PCTP: variants seen among roughly 807,000 people sequenced by gnomAD.
PCTP encodes START domain-containing protein 2.
A neutral mutation model predicts 31.0 loss-of-function variants in PCTP; 27 were observed. The observed-to-expected ratio is 0.87, with a 90% CI of 0.64 to 1.20. PCTP has a LOEUF of 1.20. PCTP is among the 50% of genes most tolerant of loss of function. The pLI is 0.00. For missense variants in PCTP, 287 were observed against 268.2 expected (o/e 1.07, Z -0.49); for synonymous variants, 108 against 101.2 (o/e 1.07, Z -0.40).
chr17:55,756,140 C>G (rs1303663617), intron 1 of PCTP, among the ~76,000 whole-genome samples: 1 of 152,174 alleles, frequency 6.6e-6, no homozygotes, highest in African/African-American at 2.4e-5. Context: ...CATCAACTGC[C>G]TCCCATGTGC....
chr17:55,805,917 T>TGTGTGTGTGTG (rs1159147410), intron 3 of PCTP, among the ~76,000 whole-genome samples: 5 of 151,612 alleles, frequency 3.3e-5, no homozygotes, highest in East Asian at 1.9e-4. Flanking sequence ...TGTGTGTGTG[T>TGTGTGTGTGTG]TTGACTTTAG....
At chr17:55,796,846 G>C (rs563567565) in intron 3 of PCTP, among the ~76,000 whole-genome samples, 1 of 152,060 alleles carries the variant, frequency 6.6e-6, no homozygotes, top group South Asian at 2.1e-4. Context: ...GATTATTTCT[G>C]TATGATTTTT....
At chr17:55,790,857 A>C (rs1911938774) in intron 3 of PCTP, among the ~76,000 whole-genome samples, 1 of 150,346 alleles carries the variant, frequency 6.7e-6, no homozygotes, top group Non-Finnish European at 1.5e-5. Context: ...GTCAATCCTA[A>C]GCCAAAAGAA....
chr17:55,754,558 A>G (rs569550826), intron 1 of PCTP, among the ~76,000 whole-genome samples: 15 of 152,308 alleles, frequency 9.8e-5, no homozygotes, highest in African/African-American at 3.4e-4. Flanking sequence ...TTGGCTAGGC[A>G]TGATTGAAGC....
At chr17:55,794,104 C>T (rs549382889) in intron 3 of PCTP, among the ~76,000 whole-genome samples, 2 of 152,104 alleles carry the variant, frequency 1.3e-5, no homozygotes, top group African/African-American at 2.4e-5. Flanking sequence ...TTTCAATTGC[C>T]AGAACAAAAC....
At chr17:55,794,643 A>AGAGGG (rs1474297971) in intron 3 of PCTP, among the ~76,000 whole-genome samples, 1 of 152,100 alleles carries the variant, frequency 6.6e-6, no homozygotes, top group African/African-American at 2.4e-5. Context: ...ACTTGAAATT[A>AGAGGG]GAGGGCAAAA....
downstream of PCTP, among the ~76,000 whole-genome samples, chr17:55,827,196 G>A (rs80281007): frequency 0.039 from 5,879 of 152,160 alleles, 365 homozygotes; most frequent in African/African-American, 0.13. Flanking sequence ...AGTAGTAGCC[G>A]TGTGCCACTT....
chr17:55,771,192 T>G lies in PCTP; in HGVS notation c.339+7T>G. 1 of 1,596,196 alleles carries G rather than the reference T, an allele frequency of 6.3e-7. No individual in the cohort carries two copies. The highest frequency in any genetic ancestry group is 8.6e-7 in the Non-Finnish European group (1 of 1,163,718). Reference sequence around the variant, plus strand: ...TCCCATGTCCAACAGAGACGTATCCTTTCCACAAGGTACTCATTCCCTGGC... The same window carrying G: ...TCCCATGTCCAACAGAGACGTATCCGTTCCACAAGGTACTCATTCCCTGGC... On this transcript the variant is annotated splice_region_variant and intron_variant, in intron 3 of 5. Transcript: ENST00000268896.
chr17:55,790,478 A>G (rs540798214), intron 3 of PCTP, among the ~76,000 whole-genome samples: 3,973 of 146,986 alleles, frequency 0.027, 174 homozygotes, highest in African/African-American at 0.094. Context: ...AAATCAATGT[A>G]CAAAAATCAC....
intron 5 of PCTP, among the ~76,000 whole-genome samples, chr17:55,839,167 T>G (rs1225549960): frequency 6.6e-6 from 1 of 152,190 alleles, no homozygotes; most frequent in Non-Finnish European, 1.5e-5. Context: ...CTTAACAGAT[T>G]TTTTTTCATT....
At chr17:55,822,716 G>T in intron 3 of PCTP, 2 of 1,139,334 alleles carry the variant, frequency 1.8e-6, no homozygotes, top group Non-Finnish European at 2.2e-6. Flanking sequence ...AATTTTTGTG[G>T]CTGTACTTAC....
chr17:55,784,064 C>T (rs2144991676), intron 2 of PCTP, among the ~76,000 whole-genome samples: 1 of 152,262 alleles, frequency 6.6e-6, no homozygotes, highest in East Asian at 1.9e-4. Context: ...GCATGCGTTT[C>T]CTCTTGCACA....
Position 55,792,316 on chromosome 17 carries a change from TAAAAAAAAGAA to T in PCTP, c.317+4678_317+4688del, listed in dbSNP as rs1266244439. 5.6e-4 allele frequency among the ~76,000 whole-genome samples: 72 copies of T among 129,386 alleles called. No homozygotes were observed. In the East Asian group the frequency reaches 8.8e-3, roughly 16 times the overall value. 84.9% of individuals were successfully genotyped at this position (129,386 alleles called of 152,430 possible). On this transcript the variant is annotated intron_variant, in intron 3 of 3. Coordinates refer to the PCTP transcript ENST00000572536. ...AAACTTAAAGTATAATAATAATAAA[TAAAAAAAAGAA>T]AAAAAAAAGAAAAAACCACACATAC... is the stretch of plus-strand genomic sequence containing the variant.
chr17:55,809,701 T>C (rs1912687540), intron 3 of PCTP, among the ~76,000 whole-genome samples: 1 of 151,852 alleles, frequency 6.6e-6, no homozygotes, highest in South Asian at 2.1e-4. Context: ...TTTTGTATTT[T>C]TAGTAGAGAT....
At chr17:55,760,812 G>C (rs1166093894) in intron 1 of PCTP, among the ~76,000 whole-genome samples, 1 of 152,130 alleles carries the variant, frequency 6.6e-6, no homozygotes, top group East Asian at 1.9e-4. Context: ...GTTCTGGGTG[G>C]CCTGGAGCAG....
intron 4 of PCTP, 67 bp downstream of exon 4, chr17:55,773,962 G>A (rs1405928844): frequency 1.3e-6 from 2 of 1,486,376 alleles, no homozygotes; most frequent in East Asian, 4.9e-5. Context: ...AGGCTGATGG[G>A]GGGACATGTC....
At chr17:55,821,201 A>G (rs534832931) in intron 3 of PCTP, among the ~76,000 whole-genome samples, 1 of 152,360 alleles carries the variant, frequency 6.6e-6, no homozygotes, top group East Asian at 1.9e-4. Context: ...ATGAAATATT[A>G]TTTGGCAATG....
At chr17:55,819,065 G>GAA (rs141666430) in intron 3 of PCTP, among the ~76,000 whole-genome samples, 3,645 of 145,484 alleles carry the variant, frequency 0.025, 165 homozygotes, top group African/African-American at 0.088. Flanking sequence ...GGAAAAACGG[G>GAA]AAAAAGAAAA....
At chr17:55,769,769 T>C (rs1160104327) in intron 2 of PCTP, 1 of 152,264 alleles carries the variant, frequency 6.6e-6, no homozygotes, top group Non-Finnish European at 1.5e-5. Context: ...ACCATGGCCG[T>C]GTCTTGCTCA....
Sources: gnomAD v4.1 joint callset for allele counts (sites outside exome capture counted in the v4.1 genomes callset) on GRCh38, gnomAD v4.1.1 for gene constraint, MANE v1.5 for transcripts, NCBI Gene and HGNC (gene_info 2026-07-23, HGNC 2026-07-21) for gene names.